BUB1B: variants seen among roughly 807,000 people sequenced by gnomAD.
BUB1B encodes the protein BUB1 mitotic checkpoint serine/threonine kinase B.
In BUB1B, 86 loss-of-function variants were observed where a neutral mutation model predicts 137.7. The ratio of observed to expected loss-of-function variants is 0.62; its 90% CI spans 0.52 to 0.75. The LOEUF is 0.75. BUB1B is among the 30% of genes least tolerant of loss of function. The probability of loss-of-function intolerance (pLI) is 0.00; values close to 1 mark genes in which losing one functional copy is unlikely to be tolerated. For missense variants in BUB1B, 1,130 were observed against 1,236.9 expected, an observed-to-expected ratio of 0.91 and a Z score of 1.30; for synonymous variants, 420 against 417.9, an observed-to-expected ratio of 1.00 and a Z score of -0.06.
chr15:40,192,137 C>A (rs1337397514), intron 8 of BUB1B, among the ~76,000 whole-genome samples: 7 of 152,138 alleles, frequency 4.6e-5, no homozygotes, highest in Non-Finnish European at 1.0e-4. Context: ...GGATGTCTTT[C>A]CAGTTATGTA....
chr15:40,198,045 A>T (rs1277627099), intron 9 of BUB1B, among the ~76,000 whole-genome samples: 1 of 152,096 alleles, frequency 6.6e-6, no homozygotes, highest in Non-Finnish European at 1.5e-5. Flanking sequence ...AGTGGCTCAC[A>T]CCTGTAATCC....
At chr15:40,199,857 C>A in intron 10 of BUB1B, 130 bp downstream of exon 10, 2 of 755,044 alleles carry the variant, frequency 2.6e-6, no homozygotes, top group Non-Finnish European at 4.5e-6. Flanking sequence ...CTGTTAGTAG[C>A]CGGAAAGTTG....
intron 8 of BUB1B, 33 bp downstream of exon 8, chr15:40,185,675 A>G: frequency 1.9e-6 from 3 of 1,586,830 alleles, no homozygotes; most frequent in Non-Finnish European, 2.6e-6. Flanking sequence ...TTGAAGTGGG[A>G]ATTATTAAGG....
At chr15:40,171,610 A>G (rs143227733) in intron 4 of BUB1B, among the ~76,000 whole-genome samples, 2,768 of 152,338 alleles carry the variant, frequency 0.018, 32 homozygotes, top group Non-Finnish European at 0.028. Flanking sequence ...GAGGAGGTGC[A>G]GGAGCTAACA....
intron 5 of BUB1B, among the ~76,000 whole-genome samples, chr15:40,178,597 TG>T (rs1475537206): frequency 8.5e-5 from 13 of 152,178 alleles, no homozygotes; most frequent in Admixed American, 8.5e-4. Context: ...TAGTCTGTTC[TG>T]GTCTTCTGTA....
At position 40,173,821 on chromosome 15, in the gene BUB1B, C is replaced by T. The variant is rs150403107; in HGVS notation, c.385-2656C>T. On this transcript the variant is annotated intron_variant, in intron 4 of 22. Transcript: ENST00000287598. The stretch of plus-strand genomic sequence containing the variant: ...GGTACATATTAAACTATTGCTTTTT[C>T]TTTGTGGGTCTGGTCAAGAGGAGTA... 308 of 311,130 alleles carry T rather than the reference C, an allele frequency of 9.9e-4. 1 individual carries two copies. The highest frequency in any genetic ancestry group is 6.6e-3 in the African/African-American group (291 of 44,138). The allele number at this position is 311,130 out of a possible 1,614,324, so 19.3% of individuals were successfully genotyped here.
chr15:40,194,513 T>C (rs2037475216), intron 8 of BUB1B, among the ~76,000 whole-genome samples: 1 of 152,220 alleles, frequency 6.6e-6, no homozygotes, highest in African/African-American at 2.4e-5. Flanking sequence ...TGGGGAAACT[T>C]TTTAAGCATG....
intron 19 of BUB1B, 149 bp from the exon 20 acceptor site, chr15:40,213,182 TA>T: frequency 1.3e-6 from 1 of 757,612 alleles, no homozygotes. Context: ...GCAGTGTTAT[TA>T]AAACTGGGAC....
intron 14 of BUB1B, among the ~76,000 whole-genome samples, chr15:40,203,653 AC>A (rs989050737): frequency 2.0e-5 from 3 of 152,180 alleles, no homozygotes; most frequent in Admixed American, 6.5e-5. Context: ...TATATAAAAT[AC>A]CTTTTTTGGC....
chr15:40,216,006 G>C (rs1221300234), intron 20 of BUB1B, among the ~76,000 whole-genome samples: 7 of 152,180 alleles, frequency 4.6e-5, no homozygotes, highest in Non-Finnish European at 1.0e-4. Flanking sequence ...TGAGGAAAAT[G>C]AGATCCAAAA....
chr15:40,218,679 G>C, intron 22 of BUB1B, 117 bp downstream of exon 22: 1 of 770,274 alleles, frequency 1.3e-6, no homozygotes, highest in South Asian at 1.5e-5. Flanking sequence ...GGTTCCAGTA[G>C]TTTCAGCCAG....
chr15:40,212,707 T>A, intron 19 of BUB1B, 59 bp downstream of exon 19: 1 of 1,513,722 alleles, frequency 6.6e-7, no homozygotes, highest in Non-Finnish European at 9.1e-7. Context: ...GTGCTCCATT[T>A]AGCAAAGGAA....
At chr15:40,208,137 T>TA (rs576507837) in intron 15 of BUB1B, among the ~76,000 whole-genome samples, 283 of 140,452 alleles carry the variant, frequency 2.0e-3, no homozygotes, top group African/African-American at 5.3e-3. Context: ...AAATGAAAAG[T>TA]AAAAAAAAAA....
intron 8 of BUB1B, among the ~76,000 whole-genome samples, chr15:40,196,259 C>T (rs745475410): frequency 6.6e-6 from 1 of 152,052 alleles, no homozygotes; most frequent in Admixed American, 6.6e-5. Flanking sequence ...CCCCACTTTA[C>T]GCTTTTGTTT....
At chr15:40,203,865 A>G (rs1002982966) in intron 14 of BUB1B, among the ~76,000 whole-genome samples, 2 of 152,250 alleles carry the variant, frequency 1.3e-5, no homozygotes, top group Admixed American at 6.5e-5. Flanking sequence ...GAAGCTTGTC[A>G]TGAGACTGAA....
At chr15:40,220,173 G>A (rs1356097705) in intron 22 of BUB1B, among the ~76,000 whole-genome samples, 1 of 152,206 alleles carries the variant, frequency 6.6e-6, no homozygotes, top group Admixed American at 6.5e-5. Context: ...TCAGAGAATT[G>A]TAAAGAAGAT....
At position 40,170,615 on chromosome 15, in the gene BUB1B, A is replaced by G. The variant is rs186580106; in HGVS notation, c.318A>G (p.Val106=). Residue 106 remains valine, a synonymous_variant, in exon 4 of 23, where the codon GTA becomes GTG. Coordinates refer to ENST00000287598, the MANE Select transcript of BUB1B (RefSeq NM_001211.6). The part of the protein sequence containing the change: ...SNMSTLLERA[V]EALQGEKRYY... ...TGTCAACGTTATTAGAAAGAGCTGTAGAAGCACTACAAGGAGAAAAACGAT... is the reference window on the plus strand; with the variant it reads ...TGTCAACGTTATTAGAAAGAGCTGTGGAAGCACTACAAGGAGAAAAACGAT... 2.0e-5 allele frequency: 32 copies of G among 1,613,472 alleles called. No individual in the cohort carries two copies. The African/African-American group carries it at 2.1e-4, about 11-fold the overall frequency.
Position 40,195,903 on chromosome 15 carries a change from G to A in BUB1B, c.1059-642G>A, listed in dbSNP as rs750621668. ...TAGTCCTTTGTCGGATGCATAGATC[G>A]TGAAGATTTTCTCCCACTCTGTGGG... On this transcript the variant is annotated intron_variant, in intron 8 of 22. Transcript: ENST00000287598. Among the ~76,000 whole-genome samples, 14 of 152,150 alleles carry A rather than the reference G, an allele frequency of 9.2e-5. 1 individual carries two copies. Among genetic ancestry groups the A allele is most frequent in the African/African-American group, 3.1e-4 (13 of 41,424 alleles).
Position 40,216,572 on chromosome 15 carries a change from T to TA in BUB1B, c.2679-924_2679-923insA, listed in dbSNP as rs1491509706. Among the ~76,000 whole-genome samples the TA allele has an allele frequency of 7.8e-3, 367 of 46,848 alleles. 4 individuals are homozygous for TA. The highest frequency in any genetic ancestry group is 0.03 in the Admixed American group (141 of 4,744). The allele number at this position is 46,848 out of a possible 152,430, so 30.7% of individuals were successfully genotyped here. On this transcript the variant is annotated intron_variant, in intron 20 of 22. Transcript: ENST00000287598. ...CTATATATATATATATATATATATATTTTTTTTTTTTTTTAATTATAGTAT... is the reference window on the plus strand; with the variant it reads ...CTATATATATATATATATATATATATATTTTTTTTTTTTTTAATTATAGTAT...
Sources: gnomAD v4.1 joint callset for allele counts (sites outside exome capture counted in the v4.1 genomes callset) on GRCh38, gnomAD v4.1.1 for gene constraint, MANE v1.5 for transcripts, NCBI Gene and HGNC (gene_info 2026-07-23, HGNC 2026-07-21) for gene names.